The following LCORL variants were observed in gnomAD, a reference collection of about 807,000 sequenced individuals.
The protein encoded by LCORL is ligand-dependent nuclear receptor corepressor-like protein.
Under a neutral mutation model 141.8 loss-of-function variants are expected in LCORL, and 41 were observed. The ratio of observed to expected loss-of-function variants is 0.29; its 90% CI spans 0.23 to 0.38. LCORL has a LOEUF of 0.38. LCORL is among the 10% of genes least tolerant of loss of function. LCORL has a pLI of 1.00. For synonymous variants in LCORL, 618 were observed against 694.1 expected (o/e 0.89, Z 1.72); for missense variants, 1,759 against 2,035.0 (o/e 0.86, Z 2.61).
chr4:17,870,366 T>C (rs928773370), intron 7 of LCORL, among the ~76,000 whole-genome samples: 1 of 152,182 alleles, frequency 6.6e-6, no homozygotes, highest in Admixed American at 6.6e-5. Flanking sequence ...TGCAACTGCC[T>C]GAAAACACTC....
At chr4:17,966,851 T>C (rs958397042) in intron 2 of LCORL, among the ~76,000 whole-genome samples, 3 of 152,162 alleles carry the variant, frequency 2.0e-5, no homozygotes, top group Non-Finnish European at 4.4e-5. Context: ...TGCGAAATGG[T>C]ACAGCTACCA....
At chr4:17,949,072 T>G (rs1480871711) in intron 4 of LCORL, among the ~76,000 whole-genome samples, 1 of 152,070 alleles carries the variant, frequency 6.6e-6, no homozygotes, top group Non-Finnish European at 1.5e-5. Flanking sequence ...AATTCCCCCT[T>G]TTCCAGGATT....
At position 17,847,133 on chromosome 4, in the gene LCORL, ATTAC is replaced by A. The variant is rs369215500; in HGVS notation, c.5603-1236_5603-1233del. 6.5e-3 allele frequency among the ~76,000 whole-genome samples: 990 copies of A among 152,342 alleles called. 13 individuals carry two copies. The highest frequency in any genetic ancestry group is 0.023 in the African/African-American group (952 of 41,568). ...GAATACGCCATCCCTAGTTTTAAAT[ATTAC>A]TTATAGTCCACATATTCAGATGTGA... On this transcript the variant is annotated intron_variant, in intron 7 of 7. Transcript: ENST00000635767.
chr4:17,902,195 G>T (rs1730991021), intron 5 of LCORL, among the ~76,000 whole-genome samples: 1 of 152,026 alleles, frequency 6.6e-6, no homozygotes, highest in Admixed American at 6.6e-5. Context: ...GCTGGTTCCT[G>T]GAGTTTAGGA....
chr4:18,003,340 G>C (rs1722274650), intron 1 of LCORL, among the ~76,000 whole-genome samples: 1 of 152,084 alleles, frequency 6.6e-6, no homozygotes, highest in Non-Finnish European at 1.5e-5. Context: ...GAAATGAATG[G>C]GTTTAAGATA....
intron 1 of LCORL, among the ~76,000 whole-genome samples, chr4:17,999,605 T>G (rs994139124): frequency 2.6e-5 from 4 of 152,222 alleles, no homozygotes; most frequent in African/African-American, 9.6e-5. Flanking sequence ...AATAAGTAAT[T>G]TGCAAGAGCA....
intron 4 of LCORL, among the ~76,000 whole-genome samples, chr4:17,942,457 C>A (rs370703943): frequency 1.1e-4 from 17 of 152,072 alleles, no homozygotes; most frequent in African/African-American, 3.9e-4. Flanking sequence ...CCAAATGTTG[C>A]TTTTTAATCA....
intron 7 of LCORL, among the ~76,000 whole-genome samples, chr4:17,853,026 CCAGG>C (rs1490519868): frequency 6.7e-6 from 1 of 149,836 alleles, no homozygotes; most frequent in Non-Finnish European, 1.5e-5. Context: ...TAGCTACGTA[CCAGG>C]CAGTGTGCTA....
At chr4:17,953,712 T>C (rs1240291163) in intron 4 of LCORL, among the ~76,000 whole-genome samples, 1 of 152,202 alleles carries the variant, frequency 6.6e-6, no homozygotes, top group Non-Finnish European at 1.5e-5. Flanking sequence ...TTCTAAAAGA[T>C]TTAAATGCAC....
chr4:17,946,339 A>G (rs949144025), intron 4 of LCORL, among the ~76,000 whole-genome samples: 2 of 152,022 alleles, frequency 1.3e-5, no homozygotes, highest in African/African-American at 4.8e-5. Flanking sequence ...TGCTTTAGCC[A>G]TGCTATTTTA....
At chr4:17,973,056 G>A (rs1716281916) in intron 1 of LCORL, among the ~76,000 whole-genome samples, 171 bp from the exon 2 acceptor site, 1 of 151,710 alleles carries the variant, frequency 6.6e-6, no homozygotes, top group African/African-American at 2.4e-5. Context: ...GTCACACAAT[G>A]ACTACCAGAA....
intron 1 of LCORL, among the ~76,000 whole-genome samples, chr4:17,977,490 T>G (rs773680340): frequency 1.3e-5 from 2 of 152,162 alleles, no homozygotes; most frequent in Non-Finnish European, 2.9e-5. Flanking sequence ...CATTCTAATG[T>G]CTTCATGTCT....
chr4:17,943,793 T>A (rs1738374060), intron 4 of LCORL, among the ~76,000 whole-genome samples: 1 of 151,884 alleles, frequency 6.6e-6, no homozygotes. Context: ...TTTAAAACAT[T>A]TTAGGAGTTT....
rs534987275 is a variant in LCORL at position 17,933,499 on chromosome 4, A to G, written c.431-24154T>C. On this transcript the variant is annotated intron_variant, in intron 4 of 7. Coordinates refer to ENST00000635767, the Ensembl canonical transcript of LCORL. Reference sequence around the variant, plus strand: ...TTTATTTCTAAGCAGATTTTTTTCTAAAATTGTATTCCTAAGTTTAGTCAA... The same window carrying G: ...TTTATTTCTAAGCAGATTTTTTTCTGAAATTGTATTCCTAAGTTTAGTCAA... Among the ~76,000 whole-genome samples, 15 of 152,178 alleles carry G rather than the reference A, an allele frequency of 9.9e-5. No individual in the cohort carries two copies. In the South Asian group the frequency reaches 2.5e-3, roughly 25 times the overall value.
intron 4 of LCORL, among the ~76,000 whole-genome samples, chr4:17,932,766 T>C (rs1459740845): frequency 1.3e-5 from 2 of 152,218 alleles, no homozygotes; most frequent in African/African-American, 4.8e-5. Flanking sequence ...ATGGCAAATA[T>C]GGTGAATTGC....
exon 8 of LCORL, chr4:17,843,506 C>T (rs1560238273): frequency 3.4e-6 from 5 of 1,474,610 alleles, no homozygotes; most frequent in Non-Finnish European, 4.6e-6. Context: ...TTGTCAAAAT[C>T]AGAACAAACC....
intron 1 of LCORL, among the ~76,000 whole-genome samples, chr4:17,995,215 T>C (rs1156503278): frequency 6.6e-6 from 1 of 152,046 alleles, no homozygotes; most frequent in Non-Finnish European, 1.5e-5. Flanking sequence ...ATTTTTTTTT[T>C]TTTTTTACTA....
chr4:17,873,722 G>C, exon 7 of LCORL: 2 of 1,233,654 alleles, frequency 1.6e-6, no homozygotes, highest in Non-Finnish European at 1.0e-6. Flanking sequence ...TATTTCCACT[G>C]TCAGTAGATT....
At chr4:17,959,220 T>C (rs1713296354) in intron 4 of LCORL, among the ~76,000 whole-genome samples, 1 of 151,896 alleles carries the variant, frequency 6.6e-6, no homozygotes, top group East Asian at 1.9e-4. Context: ...CTATAAGAAA[T>C]ATAGAGTATT....
Sources: allele counts gnomAD v4.1 joint callset (sites outside exome capture counted in the v4.1 genomes callset), GRCh38; gene constraint gnomAD v4.1.1; transcripts MANE v1.5; gene names NCBI Gene and HGNC (gene_info 2026-07-23, HGNC 2026-07-21).